PDCD11: variants seen among roughly 807,000 people sequenced by gnomAD.
PDCD11 encodes the protein programmed cell death 11.
PDCD11 carries 97 observed loss-of-function variants against 198.9 expected under a neutral mutation model. The ratio of observed to expected loss-of-function variants is 0.49; its 90% CI spans 0.41 to 0.58. The LOEUF (loss-of-function observed/expected upper bound fraction) is 0.58. PDCD11 is among the 20% of genes least tolerant of loss of function. The pLI, the probability that PDCD11 is intolerant of heterozygous loss-of-function variation, is 0.00. For synonymous variants in PDCD11, 893 were observed against 918.0 expected (o/e 0.97, Z 0.49); for missense variants, 2,102 against 2,312.7 (o/e 0.91, Z 1.87).
In PDCD11 at chr10:103,403,115, T is replaced by C. The variant is rs201599741; in HGVS notation, c.235-3T>C. ...TGTACACATTTCACTTTTTCTCTTC[T>C]AGTCCCTGTGTGAGGGAATGCGTAT... On this transcript the variant is annotated splice_polypyrimidine_tract_variant and splice_region_variant and intron_variant, in intron 3 of 35. Coordinates refer to ENST00000369797, the MANE Select transcript of PDCD11 (RefSeq NM_014976.2). 6.8e-6 allele frequency: 11 copies of C among 1,613,536 alleles called. No homozygotes were observed. The highest frequency in any genetic ancestry group is 3.3e-5 in the South Asian group (3 of 91,070).
chr10:103,415,986 A>C (rs949957493), intron 12 of PDCD11, among the ~76,000 whole-genome samples: 18 of 152,350 alleles, frequency 1.2e-4, no homozygotes, highest in African/African-American at 4.3e-4. Flanking sequence ...ATGATTGCCC[A>C]TTGGTGCAAA....
chr10:103,417,885 C>T lies in PDCD11; in HGVS notation c.1864C>T (p.Pro622Ser). 6.2e-7 allele frequency: 1 copy of T among 1,614,120 alleles called. No individual in the cohort carries two copies. Among genetic ancestry groups the T allele is most frequent in the East Asian group, 2.2e-5 (1 of 44,884 alleles). ...LSSDPEPKKE[P>S]AGHSQKKGKA... ...GAGTGATCCAGAGCCAAAGAAAGAG[C>T]CTGCAGGACACAGTCAGAAGAAAGG... Residue 622 changes from proline to serine, a missense_variant, in exon 14 of 36, where the codon CCT becomes TCT. Transcript: ENST00000369797.
At chr10:103,413,937 C>A (rs1410972995) in intron 9 of PDCD11, 29 bp from the exon 10 acceptor site, 2 of 1,586,614 alleles carry the variant, frequency 1.3e-6, no homozygotes, top group South Asian at 2.3e-5. Context: ...TTGTCCCTGG[C>A]TTATCCTCAA....
At position 103,418,510 on chromosome 10, in the gene PDCD11, G is replaced by C; in HGVS notation, c.1982G>C (p.Arg661Pro). The change falls in exon 15 of 36, where the codon CGT becomes CCT. Residue 661 changes from arginine to proline, a missense_variant. By Grantham distance (103) the Arg-to-Pro change is moderately radical. Transcript: ENST00000369797. ...LEVAVLPHNI[R>P]AFLPTSHLSD... ...GTGGCTGTCCTGCCCCACAACATCC[G>C]TGCTTTCCTCCCCACATCTCATCTG... 1 of 1,614,166 alleles carries C rather than the reference G, an allele frequency of 6.2e-7. No homozygotes were observed. Among genetic ancestry groups the C allele is most frequent in the Non-Finnish European group, 8.5e-7 (1 of 1,180,022 alleles).
At chr10:103,426,498 A>G (rs1417099077) in intron 20 of PDCD11, among the ~76,000 whole-genome samples, 1 of 152,154 alleles carries the variant, frequency 6.6e-6, no homozygotes, top group East Asian at 1.9e-4. Context: ...TGATATGACA[A>G]TCCTAAAAGA....
At chr10:103,398,106 A>G (rs1167902648) in intron 1 of PDCD11, among the ~76,000 whole-genome samples, 1 of 152,260 alleles carries the variant, frequency 6.6e-6, no homozygotes, top group Non-Finnish European at 1.5e-5. Context: ...AAGGCAGAGG[A>G]TTATATATTC....
At position 103,445,822 on chromosome 10, in the gene PDCD11, G is replaced by A. The variant is rs1449129807; in HGVS notation, c.*273G>A. ...AGCAGGCCCCTGGACTCCCAGAAATGCTGAGGGTCCCTCTTCCAGGGGAGT... is the reference window on the plus strand; with the variant it reads ...AGCAGGCCCCTGGACTCCCAGAAATACTGAGGGTCCCTCTTCCAGGGGAGT... On this transcript the variant is annotated 3_prime_UTR_variant, in exon 36 of 36. Transcript: ENST00000369797. 1 of 384,280 alleles carries A rather than the reference G, an allele frequency of 2.6e-6. No individual in the cohort carries two copies. Among genetic ancestry groups the A allele is most frequent in the Non-Finnish European group, 4.8e-6 (1 of 208,436 alleles). 23.8% of individuals were successfully genotyped at this position (384,280 alleles called of 1,614,324 possible). A position where few individuals can be genotyped will look rare whatever the true frequency, so the allele number is the denominator to read the frequency against.
intron 27 of PDCD11, 34 bp downstream of exon 27, chr10:103,438,842 T>G: frequency 6.2e-7 from 1 of 1,612,078 alleles, no homozygotes. Flanking sequence ...CGGACCCAAG[T>G]GCCTTCCCTG....
Position 103,413,320 on chromosome 10 carries a change from C to T in PDCD11, c.1183C>T (p.Arg395Trp), listed in dbSNP as rs762864441. Residue 395 changes from arginine (R) to tryptophan (W), a missense_variant and splice_region_variant, in exon 9 of 36, where the codon CGG (arginine) becomes TGG (tryptophan). Coordinates refer to ENST00000369797, the MANE Select transcript of PDCD11 (RefSeq NM_014976.2). ...RLKDGVLAYA[R>W]LSHLSDSKNV... is the part of the protein sequence containing the mutation. The stretch of plus-strand genomic sequence containing the variant: ...GAAGGATGGGGTTCTGGCCTATGCC[C>T]GGGTAAGGAGGCCTCTTTGTTTGGT... 6.4e-5 allele frequency: 103 copies of T among 1,613,458 alleles called. No homozygotes were observed. The East Asian group carries it at 8.9e-4, about 14-fold the overall frequency.
chr10:103,419,273 A>G (rs1396391572), intron 15 of PDCD11, among the ~76,000 whole-genome samples: 2 of 152,072 alleles, frequency 1.3e-5, no homozygotes, highest in African/African-American at 4.8e-5. Flanking sequence ...TAAAACCGTG[A>G]TTCTCAGCTG....
chr10:103,441,752 C>A, intron 30 of PDCD11, 74 bp from the exon 31 acceptor site: 1 of 1,419,986 alleles, frequency 7.0e-7, no homozygotes, highest in Non-Finnish European at 9.8e-7. Context: ...CATGCTCCTC[C>A]AGGTGGGCTG....
chr10:103,439,804 T>C lies in PDCD11; in HGVS notation c.4084T>C (p.Ser1362Pro). The C allele has an allele frequency of 6.2e-7, 1 of 1,614,094 alleles. No individual in the cohort carries two copies. Among genetic ancestry groups the C allele is most frequent in the Non-Finnish European group, 8.5e-7 (1 of 1,180,000 alleles). The change falls in exon 28 of 36, where the codon TCC becomes CCC. Residue 1362 changes from serine (S) to proline (P), a missense_variant. Ser to Pro is a moderately conservative substitution (Grantham distance 74). Coordinates refer to ENST00000369797, the MANE Select transcript of PDCD11 (RefSeq NM_014976.2). ...RYSHVSQHSP[S>P]KKALYNKHLP... Reference sequence around the variant, plus strand: ...CTCCCATGTCTCCCAGCACAGCCCGTCCAAGAAAGCCCTTTATAACAAACA... The same window carrying C: ...CTCCCATGTCTCCCAGCACAGCCCGCCCAAGAAAGCCCTTTATAACAAACA...
Position 103,418,474 on chromosome 10 carries a change from A to G in PDCD11, c.1946A>G (p.Asp649Gly), listed in dbSNP as rs1406772334. The G allele has an allele frequency of 6.2e-7, 1 of 1,614,110 alleles. No homozygotes were observed. The highest frequency in any genetic ancestry group is 8.5e-7 in the Non-Finnish European group (1 of 1,180,002). The change falls in exon 15 of 36, where the codon GAT becomes GGT. Residue 649 changes from aspartate (D) to glycine (G), a missense_variant. By Grantham distance (94) the Asp-to-Gly change is moderately conservative. Transcript: ENST00000369797. ...VDVKVLEKTK[D>G]GLEVAVLPHN... ...GTGAAGGTTTTAGAGAAGACCAAAG[A>G]TGGGCTGGAGGTGGCTGTCCTGCCC...
intron 12 of PDCD11, among the ~76,000 whole-genome samples, chr10:103,415,529 A>G (rs1357584925): frequency 1.3e-5 from 2 of 152,196 alleles, no homozygotes; most frequent in Non-Finnish European, 2.9e-5. Context: ...TTTCTATGCT[A>G]GGCATGTGAC....
At chr10:103,414,924 A>T (rs1446541100) in intron 11 of PDCD11, 81 bp from the exon 12 acceptor site, 4 of 1,474,570 alleles carry the variant, frequency 2.7e-6, no homozygotes, top group Non-Finnish European at 2.8e-6. Flanking sequence ...TGTGAAGGGG[A>T]GGTATGACAT....
Position 103,427,409 on chromosome 10 carries a change from A to G in PDCD11, c.3368+18A>G, listed in dbSNP as rs773382350. 2.5e-6 allele frequency: 4 copies of G among 1,600,224 alleles called. No homozygotes were observed. Among genetic ancestry groups the G allele is most frequent in the Non-Finnish European group, 8.5e-7 (1 of 1,171,164 alleles). On this transcript the variant is annotated intron_variant, in intron 21 of 35. Transcript: ENST00000369797. ...CGGCCAAGGTGAGGGGGACATTAGC[A>G]GCACTGTCTTACGGAAAGAGCACTG... is the stretch of plus-strand genomic sequence containing the variant.
chr10:103,401,055 G>A (rs1348080106), intron 3 of PDCD11, among the ~76,000 whole-genome samples: 2 of 152,032 alleles, frequency 1.3e-5, no homozygotes, highest in South Asian at 2.1e-4. Flanking sequence ...CACCGTGCCT[G>A]CCCCCTTTTT....
rs182978852 is a variant in PDCD11, at chr10:103,425,749, G to A, written c.3305+224G>A. Among the ~76,000 whole-genome samples, 276 of 151,468 alleles carry A rather than the reference G, an allele frequency of 1.8e-3. 4 individuals are homozygous for A. Among genetic ancestry groups the A allele is most frequent in the Middle Eastern group, 6.8e-3 (2 of 294 alleles). On this transcript the variant is annotated intron_variant, in intron 20 of 35. Coordinates refer to ENST00000369797, the MANE Select transcript of PDCD11 (RefSeq NM_014976.2). ...GGCTGAAGTGCAGTGGTGTGATCTC[G>A]CCTCACTGCAAGCTCTGCCTCCTGG...
rs2030366415 is a variant in PDCD11 at position 103,405,095 on chromosome 10, C to T, written c.476C>T (p.Thr159Ile). 6.2e-7 allele frequency: 1 copy of T among 1,614,134 alleles called. No homozygotes were observed. The highest frequency in any genetic ancestry group is 8.5e-7 in the Non-Finnish European group (1 of 1,179,994). The change falls in exon 5 of 36, where the codon ACA becomes ATA. Residue 159 changes from threonine to isoleucine, a missense_variant. Thr to Ile is a moderately conservative substitution (Grantham distance 89). Coordinates refer to ENST00000369797, the MANE Select transcript of PDCD11 (RefSeq NM_014976.2). The part of the protein sequence containing the change: ...VRCVVSSLGI[T>I]DRGKKSVKLS... ...TGTGTGGTGAGCAGTCTGGGCATCA[C>T]AGACAGGGGCAAGAAGAGTGTCAAG...
Sources: allele counts gnomAD v4.1 joint callset (sites outside exome capture counted in the v4.1 genomes callset), GRCh38; gene constraint gnomAD v4.1.1; transcripts MANE v1.5; gene names NCBI Gene and HGNC (gene_info 2026-07-23, HGNC 2026-07-21).